The following ERC2 variants were observed in gnomAD, a reference collection of about 807,000 sequenced individuals.
The protein encoded by ERC2 is ELKS/RAB6-interacting/CAST family member 2, also known as ERC protein 2.
A neutral mutation model predicts 114.8 loss-of-function variants in ERC2; 42 were observed. The observed-to-expected ratio is 0.37, with a 90% CI of 0.29 to 0.47. The LOEUF is 0.47. Ranked by LOEUF, ERC2 falls within the 20% of genes least tolerant of loss-of-function variation. The pLI is 0.99. For missense variants in ERC2, 939 were observed against 1,150.7 expected (o/e 0.82, Z 2.66); for synonymous variants, 454 against 425.5 (o/e 1.07, Z -0.82).
chr3:55,607,971 C>T (rs764064234), intron 17 of ERC2: 2 of 152,074 alleles, frequency 1.3e-5, no homozygotes, highest in South Asian at 2.1e-4. Context: ...CCAATCTTGT[C>T]AGGAGCCTCC....
intron 14 of ERC2, among the ~76,000 whole-genome samples, chr3:55,822,738 C>G (rs1443775928): frequency 6.6e-6 from 1 of 150,594 alleles, no homozygotes; most frequent in Admixed American, 6.6e-5. Flanking sequence ...CTCAGCCTCC[C>G]GAGTAGCTGG....
At chr3:55,936,156 G>T (rs1196543333) in intron 13 of ERC2, among the ~76,000 whole-genome samples, 1 of 152,154 alleles carries the variant, frequency 6.6e-6, no homozygotes, top group Non-Finnish European at 1.5e-5. Flanking sequence ...CCCCTGCATG[G>T]GCTGATTGGC....
chr3:55,821,566 AG>A (rs1184471017), intron 14 of ERC2, among the ~76,000 whole-genome samples: 3 of 152,220 alleles, frequency 2.0e-5, no homozygotes, highest in Non-Finnish European at 4.4e-5. Flanking sequence ...TGCACCCTAA[AG>A]GATGTGCAAA....
chr3:55,518,530 T>A lies in ERC2; in HGVS notation c.*40-7254A>T, dbSNP rs552191213. 1.1e-4 allele frequency among the ~76,000 whole-genome samples: 16 copies of A among 152,336 alleles called. No homozygotes were observed. In the East Asian group the frequency reaches 3.1e-3, roughly 29 times the overall value. On this transcript the variant is annotated intron_variant, in intron 17 of 17. Transcript: ENST00000288221. ...GTGAAAAGGTGAAATCTAGTTTAAA[T>A]TTATAGCATTCCTTCAGTGTCCCTC...
intron 1 of ERC2, among the ~76,000 whole-genome samples, chr3:56,436,939 A>G (rs1435559081): frequency 3.9e-5 from 6 of 152,242 alleles, no homozygotes; most frequent in Non-Finnish European, 8.8e-5. Context: ...AGAAGTTACC[A>G]TCATCTATCA....
chr3:55,511,959 T>G (rs1417769766), intron 17 of ERC2, among the ~76,000 whole-genome samples: 1 of 152,196 alleles, frequency 6.6e-6, no homozygotes, highest in Admixed American at 6.5e-5. Flanking sequence ...CTGCTGATGC[T>G]CAACTTTGTG....
chr3:56,385,513 A>C (rs1250456101), intron 2 of ERC2, among the ~76,000 whole-genome samples: 2 of 152,206 alleles, frequency 1.3e-5, no homozygotes, highest in Non-Finnish European at 2.9e-5. Context: ...CATACACCAT[A>C]TACCAGATTT....
chr3:55,970,862 A>G (rs539001988), intron 12 of ERC2, among the ~76,000 whole-genome samples: 85 of 152,326 alleles, frequency 5.6e-4, no homozygotes, highest in African/African-American at 1.9e-3. Context: ...AAGTGAAAAC[A>G]TATATTCAAA....
intron 14 of ERC2, among the ~76,000 whole-genome samples, chr3:55,835,756 G>C (rs530703841): frequency 6.6e-6 from 1 of 152,010 alleles, no homozygotes. Context: ...TGGCCAGGGC[G>C]ATTAGGCAGG....
chr3:55,836,341 T>C (rs2060883245), intron 14 of ERC2, among the ~76,000 whole-genome samples: 1 of 152,128 alleles, frequency 6.6e-6, no homozygotes, highest in Non-Finnish European at 1.5e-5. Flanking sequence ...TCACACTACC[T>C]GACTTCAAAC....
intron 12 of ERC2, among the ~76,000 whole-genome samples, chr3:55,953,824 T>C (rs370387898): frequency 6.2e-4 from 94 of 152,168 alleles, no homozygotes; most frequent in African/African-American, 2.2e-3. Flanking sequence ...AACTTCAGCA[T>C]TTGTAAGAAT....
intron 2 of ERC2, among the ~76,000 whole-genome samples, chr3:56,357,476 C>T (rs1467171851): frequency 6.6e-6 from 1 of 152,056 alleles, no homozygotes; most frequent in African/African-American, 2.4e-5. Flanking sequence ...CTGCATAGGC[C>T]CAGGCTGACT....
At chr3:55,658,601 T>C (rs553836167) in intron 17 of ERC2, 1 of 152,804 alleles carries the variant, frequency 6.5e-6, no homozygotes, top group Non-Finnish European at 1.5e-5. Flanking sequence ...AGACAGACAC[T>C]GGGCAGACCA....
intron 2 of ERC2, among the ~76,000 whole-genome samples, chr3:56,401,180 A>T (rs1044724028): frequency 1.3e-5 from 2 of 152,246 alleles, no homozygotes; most frequent in Non-Finnish European, 2.9e-5. Flanking sequence ...TATAAAATGC[A>T]TACTGCCTTT....
chr3:55,946,497 A>G (rs1297742584), intron 13 of ERC2, among the ~76,000 whole-genome samples: 3 of 152,198 alleles, frequency 2.0e-5, no homozygotes, highest in African/African-American at 7.2e-5. Context: ...TTCTATGACT[A>G]AAAGCTCATT....
At chr3:56,031,410 G>T (rs2074373051) in intron 7 of ERC2, among the ~76,000 whole-genome samples, 2 of 152,192 alleles carry the variant, frequency 1.3e-5, no homozygotes, top group Non-Finnish European at 2.9e-5. Flanking sequence ...CAGGTACCAG[G>T]CCAGCCAGCC....
chr3:56,455,169 T>C (rs1159528982), intron 1 of ERC2, among the ~76,000 whole-genome samples: 3 of 151,950 alleles, frequency 2.0e-5, no homozygotes, highest in African/African-American at 7.2e-5. Flanking sequence ...CACCAAACTG[T>C]GCACTTTAAA....
intron 14 of ERC2, among the ~76,000 whole-genome samples, chr3:55,766,499 C>A (rs140675267): frequency 1.3e-4 from 20 of 152,230 alleles, no homozygotes; most frequent in Non-Finnish European, 2.2e-4. Context: ...AGCTTTCCTG[C>A]CCAGCCTTGG....
At chr3:55,856,501 A>C (rs1286758102) in intron 14 of ERC2, among the ~76,000 whole-genome samples, 2 of 152,198 alleles carry the variant, frequency 1.3e-5, no homozygotes, top group East Asian at 3.8e-4. Context: ...CAGACAATGA[A>C]AAAATAAACA....
Sources: allele counts gnomAD v4.1 joint callset (sites outside exome capture counted in the v4.1 genomes callset), GRCh38; gene constraint gnomAD v4.1.1; transcripts MANE v1.5; gene names NCBI Gene and HGNC (gene_info 2026-07-23, HGNC 2026-07-21).